DNAAF9: variants seen among roughly 807,000 people sequenced by gnomAD.
The protein encoded by DNAAF9 is shulin.
In DNAAF9, 90 loss-of-function variants were observed where a neutral mutation model predicts 167.0. The ratio of observed to expected loss-of-function variants is 0.54; its 90% CI spans 0.45 to 0.64. The LOEUF is 0.64. Among genes scored for constraint, DNAAF9 ranks in the 30% least tolerant of loss-of-function variants. The pLI, the probability that DNAAF9 is intolerant of heterozygous loss-of-function variation, is 0.00. For synonymous variants in DNAAF9, 491 were observed against 508.8 expected, an observed-to-expected ratio of 0.96 and a Z score of 0.47; for missense variants, 1,315 against 1,442.2, an observed-to-expected ratio of 0.91 and a Z score of 1.43.
chr20:3,325,116 T>A (rs2069687587), intron 13 of DNAAF9, 148 bp from the exon 14 acceptor site: 1 of 639,782 alleles, frequency 1.6e-6, no homozygotes, highest in Non-Finnish European at 2.8e-6. Flanking sequence ...TTGGTAGGCA[T>A]GAATAGATTA....
chr20:3,343,871 G>A (rs2070137225), intron 8 of DNAAF9, 140 bp from the exon 9 acceptor site: 1 of 541,662 alleles, frequency 1.8e-6, no homozygotes, highest in East Asian at 3.0e-5. Flanking sequence ...GTGTGTGCAT[G>A]TGCGTGTGTG....
intron 17 of DNAAF9, among the ~76,000 whole-genome samples, chr20:3,317,016 TC>T (rs2069514972): frequency 6.8e-6 from 1 of 147,750 alleles, no homozygotes; most frequent in Non-Finnish European, 1.5e-5. Context: ...TGACTCATCC[TC>T]CCGAATAGCT....
Position 3,254,686 on chromosome 20 carries a change from C to G in DNAAF9, c.3327+533G>C, listed in dbSNP as rs376136452. ...TGCTCATTACTGGCATCCTGGGGAC[C>G]TAGACTCTGTGTCCTTTTTAGCTTT... On this transcript the variant is annotated intron_variant, in intron 35 of 36. Transcript: ENST00000252032. Among the ~76,000 whole-genome samples, 5 of 152,150 alleles carry G rather than the reference C, an allele frequency of 3.3e-5. 1 individual carries two copies. In the South Asian group the frequency reaches 8.3e-4, roughly 25 times the overall value.
chr20:3,266,998 A>G (rs2068502880), intron 30 of DNAAF9, among the ~76,000 whole-genome samples: 1 of 151,758 alleles, frequency 6.6e-6, no homozygotes. Flanking sequence ...AATCACAGGC[A>G]TGCACTACCA....
At chr20:3,269,890 G>A (rs1396053678) in intron 30 of DNAAF9, among the ~76,000 whole-genome samples, 1 of 151,610 alleles carries the variant, frequency 6.6e-6, no homozygotes, top group Non-Finnish European at 1.5e-5. Context: ...CCTGGGAGGC[G>A]GAGCTTGCAG....
intron 3 of DNAAF9, 58 bp downstream of exon 3, chr20:3,381,321 T>C (rs2083649543): frequency 7.5e-7 from 1 of 1,334,970 alleles, no homozygotes. Context: ...AAAATAAGGA[T>C]CCAAATAAAT....
intron 1 of DNAAF9, among the ~76,000 whole-genome samples, chr20:3,406,870 G>A (rs1600944984): frequency 6.6e-6 from 1 of 152,052 alleles, no homozygotes; most frequent in Non-Finnish European, 1.5e-5. Flanking sequence ...GGGGAGCTGG[G>A]GAAACGCGCG....
intron 21 of DNAAF9, among the ~76,000 whole-genome samples, chr20:3,301,178 CTT>C (rs11469332): frequency 0.023 from 2,926 of 125,124 alleles, 79 homozygotes; most frequent in African/African-American, 0.08. Context: ...TCATGCTTGG[CTT>C]TTTTTTTTTT....
intron 30 of DNAAF9, among the ~76,000 whole-genome samples, chr20:3,265,283 G>A (rs1476450344): frequency 6.6e-6 from 1 of 151,552 alleles, no homozygotes; most frequent in Non-Finnish European, 1.5e-5. Flanking sequence ...TCATTCATTA[G>A]GCCGGGCGCG....
chr20:3,370,668 A>C (rs924253600), intron 6 of DNAAF9, among the ~76,000 whole-genome samples: 1 of 152,048 alleles, frequency 6.6e-6, no homozygotes, highest in African/African-American at 2.4e-5. Flanking sequence ...TCAGCCTCCT[A>C]AAGTGCTCAG....
At chr20:3,260,128 A>G (rs573930463) in intron 31 of DNAAF9, 100 bp from the exon 32 acceptor site, 217 of 613,834 alleles carry the variant, frequency 3.5e-4, no homozygotes, top group Non-Finnish European at 6.0e-4. Flanking sequence ...TCATGAGGTC[A>G]GGAGATCGAG....
rs575542832 is a variant in DNAAF9 at position 3,271,770 on chromosome 20, C to T, written c.2651-1208G>A. Among the ~76,000 whole-genome samples the T allele has an allele frequency of 9.2e-5, 14 of 151,928 alleles. No individual in the cohort carries two copies. The East Asian group carries it at 9.7e-4, about 11-fold the overall frequency. The stretch of plus-strand genomic sequence containing the variant: ...CTAAGTAGCTGGGATTACTGGTGCG[C>T]GCCACCATGCCCAGCTTATTTTGTA... On this transcript the variant is annotated intron_variant, in intron 29 of 36. Coordinates refer to ENST00000252032, the MANE Select transcript of DNAAF9 (RefSeq NM_001009984.3).
Position 3,255,240 on chromosome 20 carries a change from T to C in DNAAF9, c.3306A>G (p.Gln1102=). 6.4e-7 allele frequency: 1 copy of C among 1,550,994 alleles called. No homozygotes were observed. Among genetic ancestry groups the C allele is most frequent in the African/African-American group, 1.4e-5 (1 of 73,128 alleles). The stretch of plus-strand genomic sequence containing the variant: ...TCACGTGGATGCTCCTGATCTCCTG[T>C]TGCGTCAGCATCCCCCTGGTCTTCA... The part of the protein sequence containing the change: ...KALKTRGMLT[Q]QEIRSIHVKR... The change falls in exon 35 of 37, where the codon CAA becomes CAG. Residue 1102 remains glutamine, a synonymous_variant. Coordinates refer to ENST00000252032, the MANE Select transcript of DNAAF9 (RefSeq NM_001009984.3).
At position 3,310,420 on chromosome 20, in the gene DNAAF9, C is replaced by T. The variant is rs150274799; in HGVS notation, c.1678+4613G>A. 1.7e-3 allele frequency among the ~76,000 whole-genome samples: 248 copies of T among 149,844 alleles called. 1 individual carries two copies. The highest frequency in any genetic ancestry group is 2.7e-4 in the Non-Finnish European group (18 of 67,234). On this transcript the variant is annotated intron_variant, in intron 20 of 36. Coordinates refer to ENST00000252032, the MANE Select transcript of DNAAF9 (RefSeq NM_001009984.3). ...CTAAAATAGGCCAGGCGCAGTGGGT[C>T]ACGCCTGTAATCCCAGCACTTTGAG... is the stretch of plus-strand genomic sequence containing the variant.
chr20:3,329,804 T>G (rs1383210009), intron 12 of DNAAF9, among the ~76,000 whole-genome samples: 1 of 152,214 alleles, frequency 6.6e-6, no homozygotes, highest in Non-Finnish European at 1.5e-5. Flanking sequence ...GACAATGCTT[T>G]CTGGAATTTA....
intron 20 of DNAAF9, among the ~76,000 whole-genome samples, chr20:3,309,145 G>C (rs2069357940): frequency 6.6e-6 from 1 of 151,478 alleles, no homozygotes; most frequent in Non-Finnish European, 1.5e-5. Flanking sequence ...CAAAGTTATT[G>C]ACATTTTTAT....
chr20:3,336,821 T>C (rs1482443435), intron 10 of DNAAF9, among the ~76,000 whole-genome samples: 1 of 151,856 alleles, frequency 6.6e-6, no homozygotes, highest in Non-Finnish European at 1.5e-5. Context: ...GGGATTAAAG[T>C]TGTAAGCCAC....
In DNAAF9 at chr20:3,270,250, C is replaced by A. The variant is rs114094906; in HGVS notation, c.2786+177G>T. 9.0e-3 allele frequency among the ~76,000 whole-genome samples: 1,371 copies of A among 151,886 alleles called. 20 individuals are homozygous for A. The highest frequency in any genetic ancestry group is 0.032 in the African/African-American group (1,317 of 41,402). On this transcript the variant is annotated intron_variant, in intron 30 of 36. Coordinates refer to ENST00000252032, the MANE Select transcript of DNAAF9 (RefSeq NM_001009984.3). ...CTCCAATTCCTGGATTCAAGTGATC[C>A]TCCCTTCTCAGCCTCCCGAGTAGCT...
chr20:3,322,414 T>C (rs78719546), intron 15 of DNAAF9, 152 bp from the exon 16 acceptor site: 23,109 of 761,338 alleles, frequency 0.03, 520 homozygotes, highest in African/African-American at 0.095. Flanking sequence ...GTCTGTAGAA[T>C]TGGTATGTGG....
Sources: allele counts gnomAD v4.1 joint callset (sites outside exome capture counted in the v4.1 genomes callset), GRCh38; gene constraint gnomAD v4.1.1; transcripts MANE v1.5; gene names NCBI Gene and HGNC (gene_info 2026-07-23, HGNC 2026-07-21).